Variants in FBLN7 observed in about 807,000 individuals in gnomAD.
FBLN7 encodes fibulin-7.
In FBLN7, 31 loss-of-function variants were observed where a neutral mutation model predicts 44.0. The observed-to-expected ratio is 0.70, with a 90% confidence interval of 0.53 to 0.95. FBLN7 has a LOEUF of 0.95. Ranked by LOEUF, FBLN7 falls within the 40% of genes least tolerant of loss-of-function variation. The pLI is 0.00. For missense variants in FBLN7, 573 were observed against 618.5 expected, an observed-to-expected ratio of 0.93 and a Z score of 0.78; for synonymous variants, 262 against 253.4, an observed-to-expected ratio of 1.03 and a Z score of -0.32.
At chr2:112,204,893 A>T in the FBLN7 span, among the ~76,000 whole-genome samples, 2 of 152,178 alleles carry the variant, frequency 1.3e-5, no homozygotes, top group Non-Finnish European at 2.9e-5. Flanking sequence ...ATGTAAGTAA[A>T]TATAAAAGAC....
At chr2:112,160,652 GCACACGCGCACGCACACGCACACGCAGA>G (rs1334914787) in intron 2 of FBLN7, among the ~76,000 whole-genome samples, 1 of 5,404 alleles carries the variant, frequency 1.9e-4, no homozygotes, top group Non-Finnish European at 4.2e-4. Context: ...ACACGCGCAC[GCACACGCGCACGCACACGCACACGCAGA>G]CGCACGCACA....
the FBLN7 span, among the ~76,000 whole-genome samples, chr2:112,224,456 A>C: frequency 6.6e-6 from 1 of 152,242 alleles, no homozygotes; most frequent in African/African-American, 2.4e-5. Context: ...CATTGTATTC[A>C]GTGGGGAAAA....
the FBLN7 span, among the ~76,000 whole-genome samples, chr2:112,236,213 G>C: frequency 6.6e-6 from 1 of 152,088 alleles, no homozygotes; most frequent in Non-Finnish European, 1.5e-5. Flanking sequence ...GCAGTGAGCC[G>C]AGATCGCACC....
chr2:112,223,681 CCAAA>C, the FBLN7 span, among the ~76,000 whole-genome samples: 2 of 151,284 alleles, frequency 1.3e-5, no homozygotes, highest in Non-Finnish European at 2.9e-5. Flanking sequence ...CAAAATAAGC[CCAAA>C]CAATGTAAAA....
chr2:112,161,427 C>G (rs1233590875), intron 2 of FBLN7, among the ~76,000 whole-genome samples: 1 of 152,154 alleles, frequency 6.6e-6, no homozygotes, highest in East Asian at 1.9e-4. Context: ...TCACACTTTC[C>G]AAGGCACTGT....
Position 112,163,516 on chromosome 2 carries a change from C to A in FBLN7, c.236-1485C>A, listed in dbSNP as rs921677830. Reference sequence around the variant, plus strand: ...TTTGGGCATTCCCTCGTCGCCCATGCGTGATGCTCTGTTGCAAAAAGAAGA... The same window carrying A: ...TTTGGGCATTCCCTCGTCGCCCATGAGTGATGCTCTGTTGCAAAAAGAAGA... On this transcript the variant is annotated intron_variant, in intron 2 of 7. Transcript: ENST00000331203. 1.3e-5 allele frequency among the ~76,000 whole-genome samples: 2 copies of A among 152,256 alleles called. 1 individual carries two copies. Among genetic ancestry groups the A allele is most frequent in the South Asian group, 4.1e-4 (2 of 4,836 alleles).
chr2:112,157,191 G>A lies in FBLN7; in HGVS notation c.76-2485G>A, dbSNP rs373964803. Among the ~76,000 whole-genome samples the A allele has an allele frequency of 6.6e-5, 10 of 152,180 alleles. No homozygotes were observed. The South Asian group carries it at 1.7e-3, about 25-fold the overall frequency. ...TCGAGACCAGCCTGGGCAACATGGC[G>A]AAGCCCCGTCTCTACTAAAAATACA... On this transcript the variant is annotated intron_variant, in intron 1 of 7. Coordinates refer to ENST00000331203, the MANE Select transcript of FBLN7 (RefSeq NM_153214.3).
intron 1 of FBLN7, among the ~76,000 whole-genome samples, chr2:112,144,720 T>G (rs528756675): frequency 6.6e-6 from 1 of 151,980 alleles, no homozygotes; most frequent in South Asian, 2.1e-4. Context: ...AGAGACGGGG[T>G]TTCACCTTGT....
the FBLN7 span, chr2:112,230,777 T>C: frequency 1.8e-6 from 1 of 559,664 alleles, no homozygotes; most frequent in Non-Finnish European, 2.7e-6. Context: ...AAATATTTTA[T>C]AATTCTTTTT....
At chr2:112,191,339 C>G (rs1017215903), downstream of FBLN7, among the ~76,000 whole-genome samples, 1 of 152,098 alleles carries the variant, frequency 6.6e-6, no homozygotes, top group Non-Finnish European at 1.5e-5. Flanking sequence ...CCACACCTAG[C>G]TAATTTTTGT....
chr2:112,241,641 A>C, the FBLN7 span, among the ~76,000 whole-genome samples: 1 of 152,246 alleles, frequency 6.6e-6, no homozygotes, highest in South Asian at 2.1e-4. Context: ...CAGTATCAGC[A>C]GTGCCTGTGA....
intron 3 of FBLN7, among the ~76,000 whole-genome samples, chr2:112,170,835 G>A (rs572335619): frequency 6.6e-6 from 1 of 152,222 alleles, no homozygotes; most frequent in South Asian, 2.1e-4. Context: ...ACACATAGGT[G>A]GCTATTGCAG....
intron 1 of FBLN7, among the ~76,000 whole-genome samples, chr2:112,153,886 G>T (rs1192353212): frequency 6.6e-6 from 1 of 152,218 alleles, no homozygotes; most frequent in Admixed American, 6.5e-5. Context: ...TCCCGGAGAA[G>T]GGCAGGGGTG....
At chr2:112,196,928 A>G in the FBLN7 span, among the ~76,000 whole-genome samples, 1 of 152,098 alleles carries the variant, frequency 6.6e-6, no homozygotes, top group African/African-American at 2.4e-5. Flanking sequence ...GACAAGAGGG[A>G]ACTTGTGCAG....
the FBLN7 span, among the ~76,000 whole-genome samples, chr2:112,242,864 C>CA: frequency 6.6e-6 from 1 of 151,972 alleles, no homozygotes; most frequent in African/African-American, 2.4e-5. Context: ...AAAAATAAAA[C>CA]AAAAACAAGA....
In FBLN7 at chr2:112,187,111, T is replaced by C. The variant is rs770547057; in HGVS notation, c.948-23T>C. 1.9e-6 allele frequency: 3 copies of C among 1,609,400 alleles called. No individual in the cohort carries two copies. Among genetic ancestry groups the C allele is most frequent in the Admixed American group, 1.7e-5 (1 of 59,834 alleles). ...ATGAGACTCCCCAAGGCTGACTGCC[T>C]CCATTTTGCCTCTCCGCTCCAGCCA... On this transcript the variant is annotated intron_variant, in intron 7 of 7. Coordinates refer to ENST00000331203, the MANE Select transcript of FBLN7 (RefSeq NM_153214.3). The surrounding 1 kb of genome is among the most constrained non-coding windows in gnomAD (Gnocchi z 5.1).
chr2:112,166,143 C>T lies in FBLN7; in HGVS notation c.406+972C>T, dbSNP rs538721175. On this transcript the variant is annotated intron_variant, in intron 3 of 7. Coordinates refer to ENST00000331203, the MANE Select transcript of FBLN7 (RefSeq NM_153214.3). ...TCAGCTCACTGCAACCTCTGCCTCC[C>T]GGGTTCCAGCGATTCTCCTGCCTCA... Among the ~76,000 whole-genome samples, 195 of 152,308 alleles carry T rather than the reference C, an allele frequency of 1.3e-3. 2 individuals carry two copies. The highest frequency in any genetic ancestry group is 5.4e-3 in the South Asian group (26 of 4,826).
At chr2:112,184,219 C>G (rs971279547) in intron 6 of FBLN7, among the ~76,000 whole-genome samples, 5 of 152,192 alleles carry the variant, frequency 3.3e-5, no homozygotes, top group African/African-American at 1.2e-4. Context: ...AAACAGGACA[C>G]AGAGGGGAGC....
the FBLN7 span, chr2:112,238,185 G>T: frequency 6.3e-6 from 6 of 949,748 alleles, no homozygotes; most frequent in South Asian, 8.5e-5. Flanking sequence ...CTCATGTCTG[G>T]TATAAATATT....
Sources: gnomAD v4.1 joint callset for allele counts (sites outside exome capture counted in the v4.1 genomes callset) on GRCh38, gnomAD v4.1.1 for gene constraint, Gnocchi (gnomAD v3.1) non-coding constraint, MANE v1.5 for transcripts, NCBI Gene and HGNC (gene_info 2026-07-23, HGNC 2026-07-21) for gene names.